CLIC5: variants seen among roughly 807,000 people sequenced by gnomAD.
CLIC5 encodes chloride intracellular channel protein 5.
CLIC5 carries 20 observed loss-of-function variants against 24.7 expected under a neutral mutation model. That is an observed-to-expected ratio of 0.81 (90% confidence interval 0.57 to 1.18). CLIC5 has a LOEUF of 1.18. Ranked by LOEUF, CLIC5 falls within the 50% of genes most tolerant of loss-of-function variation. The pLI is 0.00. For missense variants in CLIC5, 341 were observed against 326.1 expected (o/e 1.05, Z -0.35); for synonymous variants, 159 against 135.6 (o/e 1.17, Z -1.20).
chr6:46,025,079 A>G (rs1272298757), intron 1 of CLIC5, among the ~76,000 whole-genome samples: 1 of 152,180 alleles, frequency 6.6e-6, no homozygotes, highest in Non-Finnish European at 1.5e-5. Flanking sequence ...GTATAATAAA[A>G]AGAGCACTAG....
At chr6:45,892,918 C>G (rs1380662625) in intron 6 of CLIC5, among the ~76,000 whole-genome samples, 2 of 152,160 alleles carry the variant, frequency 1.3e-5, no homozygotes, top group African/African-American at 4.8e-5. Context: ...GACTTTGGAG[C>G]TCCTTGCAAG....
intron 4 of CLIC5, among the ~76,000 whole-genome samples, chr6:45,941,340 C>G (rs1202055544): frequency 6.6e-6 from 1 of 152,140 alleles, no homozygotes; most frequent in African/African-American, 2.4e-5. Context: ...TCCTCCTGCA[C>G]CAGCTAGGCA....
Position 45,949,260 on chromosome 6 carries a change from C to T in CLIC5, c.295G>A (p.Glu99Lys). ...EEFLEETLTPEKYPKLAAKHR... is the reference protein window; with the variant it reads ...EEFLEETLTPKKYPKLAAKHR... ...CAGAAAGAAACAGATCCTTACTTTT[C>T]AGGGGTCAAGGTCTCCTCCAGGAAC... The change falls in exon 3 of 6, where the codon GAA becomes AAA. Residue 99 changes from glutamate to lysine, a missense_variant. Physicochemically the swap from Glu to Lys is moderately conservative, Grantham distance 56 (BLOSUM62 1). Transcript: ENST00000339561. 1 of 1,613,044 alleles carries T rather than the reference C, an allele frequency of 6.2e-7. No homozygotes were observed. The highest frequency in any genetic ancestry group is 8.5e-7 in the Non-Finnish European group (1 of 1,179,402).
chr6:46,128,889 A>G, the CLIC5 span, among the ~76,000 whole-genome samples: 1 of 152,210 alleles, frequency 6.6e-6, no homozygotes, highest in Non-Finnish European at 1.5e-5. Context: ...AATCAACGGA[A>G]TACATCTATT....
At chr6:45,911,003 A>C (rs1762800619) in intron 5 of CLIC5, among the ~76,000 whole-genome samples, 1 of 152,118 alleles carries the variant, frequency 6.6e-6, no homozygotes, top group African/African-American at 2.4e-5. Flanking sequence ...CATAGCAGGA[A>C]CTCTGCTTTA....
intron 1 of CLIC5, among the ~76,000 whole-genome samples, chr6:46,006,197 T>G (rs1766576127): frequency 7.1e-6 from 1 of 140,916 alleles, no homozygotes; most frequent in Non-Finnish European, 1.5e-5. Flanking sequence ...CAGCCTGGAG[T>G]GCAATGGCGC....
intron 1 of CLIC5, among the ~76,000 whole-genome samples, chr6:46,037,994 G>C (rs988516393): frequency 2.0e-5 from 3 of 152,134 alleles, no homozygotes; most frequent in Non-Finnish European, 4.4e-5. Flanking sequence ...TAGGCCTTCA[G>C]ATAGAGCCTG....
downstream of CLIC5, chr6:45,881,006 C>T (rs1762258511): frequency 5.0e-6 from 2 of 396,884 alleles, no homozygotes; most frequent in Admixed American, 8.8e-5. Flanking sequence ...ATCCAGACTT[C>T]AACAAATATT....
the CLIC5 span, among the ~76,000 whole-genome samples, chr6:46,104,298 A>C: frequency 6.6e-6 from 1 of 152,142 alleles, no homozygotes; most frequent in Non-Finnish European, 1.5e-5. Context: ...AAGTGAGAGC[A>C]CATTCTTTTT....
chr6:45,953,928 A>G (rs1764553658), intron 2 of CLIC5, among the ~76,000 whole-genome samples: 1 of 152,114 alleles, frequency 6.6e-6, no homozygotes, highest in Admixed American at 6.5e-5. Flanking sequence ...TTGGCTACTG[A>G]TCAACAATGA....
rs529933595 is a variant in CLIC5, at chr6:46,055,259, T to C, written c.540+24444A>G. Among the ~76,000 whole-genome samples, 178 of 152,294 alleles carry C rather than the reference T, an allele frequency of 1.2e-3. 4 individuals are homozygous for C. In the South Asian group the frequency reaches 0.028, roughly 24 times the overall value. On this transcript the variant is annotated intron_variant, in intron 1 of 5. Coordinates refer to the CLIC5 transcript ENST00000185206. The stretch of plus-strand genomic sequence containing the variant: ...CTGGAATTACAGGTGCCCACCAACA[T>C]GCCTGGCTAATTTTTCTATTTTTAG...
At chr6:46,066,054 A>G (rs1762434604) in intron 1 of CLIC5, among the ~76,000 whole-genome samples, 1 of 152,180 alleles carries the variant, frequency 6.6e-6, no homozygotes, top group South Asian at 2.1e-4. Context: ...ATGCACATAA[A>G]ATGTCTCAAG....
chr6:46,078,279 G>T (rs1762824946), intron 1 of CLIC5, among the ~76,000 whole-genome samples: 1 of 152,054 alleles, frequency 6.6e-6, no homozygotes, highest in Non-Finnish European at 1.5e-5. Flanking sequence ...AGAATCATTT[G>T]AATCTGGGAG....
At chr6:46,103,254 A>C in the CLIC5 span, among the ~76,000 whole-genome samples, 2 of 152,228 alleles carry the variant, frequency 1.3e-5, no homozygotes, top group African/African-American at 2.4e-5. Context: ...TTGAAAAATA[A>C]GATAAATAGC....
intron 1 of CLIC5, among the ~76,000 whole-genome samples, chr6:46,039,979 A>G (rs74919171): frequency 6.6e-6 from 1 of 152,226 alleles, no homozygotes; most frequent in Admixed American, 6.5e-5. Context: ...GTAGATATGG[A>G]TCCTGCCTTG....
chr6:45,954,269 T>A (rs1764566177), intron 2 of CLIC5, among the ~76,000 whole-genome samples: 1 of 97,540 alleles, frequency 1.0e-5, no homozygotes, highest in African/African-American at 4.9e-5. Context: ...TGAGACTCTG[T>A]CTCAAAAAAA....
At position 45,899,160 on chromosome 6, in the gene CLIC5, T is replaced by G. The variant is rs1243459932; in HGVS notation, c.*3928A>C. 1.3e-5 allele frequency: 2 copies of G among 152,200 alleles called. No homozygotes were observed. The highest frequency in any genetic ancestry group is 2.9e-5 in the Non-Finnish European group (2 of 68,032). 9.4% of individuals were successfully genotyped at this position (152,200 alleles called of 1,614,324 possible). ...GATTTGAATGATAAAGAGAAATGGATAGAAGACAATGGGGCTGTGTGCAGC... is the reference window on the plus strand; with the variant it reads ...GATTTGAATGATAAAGAGAAATGGAGAGAAGACAATGGGGCTGTGTGCAGC... On this transcript the variant is annotated 3_prime_UTR_variant, in exon 6 of 6. Coordinates refer to ENST00000339561, the MANE Select transcript of CLIC5 (RefSeq NM_016929.5).
chr6:45,900,921 TG>T lies in CLIC5; in HGVS notation c.*2166del, dbSNP rs1333092018. The stretch of plus-strand genomic sequence containing the variant: ...GTCCTTGGAATTCTGCAGACTTCTC[TG>T]GGGTGGAGTGGCCTCACCGGAGGCT... On this transcript the variant is annotated 3_prime_UTR_variant, in exon 6 of 6. Coordinates refer to ENST00000339561, the MANE Select transcript of CLIC5 (RefSeq NM_016929.5). 1.3e-5 allele frequency: 2 copies of T among 152,204 alleles called. No individual in the cohort carries two copies. The highest frequency in any genetic ancestry group is 2.1e-4 in the South Asian group (1 of 4,822). 9.4% of individuals were successfully genotyped at this position (152,204 alleles called of 1,614,324 possible). A position where few individuals can be genotyped will look rare whatever the true frequency, so the allele number is the denominator to read the frequency against.
chr6:45,954,625 A>G (rs1166126572), intron 2 of CLIC5, among the ~76,000 whole-genome samples: 2 of 152,016 alleles, frequency 1.3e-5, no homozygotes, highest in African/African-American at 4.8e-5. Context: ...TTTGTAAGTC[A>G]TTAAACTGCA....
Sources: gnomAD v4.1 joint callset for allele counts (sites outside exome capture counted in the v4.1 genomes callset) on GRCh38, gnomAD v4.1.1 for gene constraint, MANE v1.5 for transcripts, NCBI Gene and HGNC (gene_info 2026-07-23, HGNC 2026-07-21) for gene names.